Variants in PPARGC1A observed in about 807,000 individuals in gnomAD.
PPARGC1A encodes the protein peroxisome proliferator-activated receptor gamma coactivator 1-alpha.
Under a neutral mutation model 88.7 loss-of-function variants are expected in PPARGC1A, and 25 were observed. That is an observed-to-expected ratio of 0.28 (90% CI 0.21 to 0.39). The LOEUF is 0.39. PPARGC1A is among the 10% of genes least tolerant of loss of function. The probability of loss-of-function intolerance (pLI) is 1.00; values close to 1 mark genes in which losing one functional copy is unlikely to be tolerated. For missense variants in PPARGC1A, 880 were observed against 968.7 expected, an observed-to-expected ratio of 0.91 and a Z score of 1.22; for synonymous variants, 363 against 355.6, an observed-to-expected ratio of 1.02 and a Z score of -0.24.
chr4:24,358,210 GC>G, the PPARGC1A span, among the ~76,000 whole-genome samples: 1 of 152,180 alleles, frequency 6.6e-6, no homozygotes, highest in Non-Finnish European at 1.5e-5. Context: ...TGAAAGCCAG[GC>G]CCCTCTGACC....
At chr4:23,889,045 AC>A (rs1717385548) in intron 1 of PPARGC1A, 1 of 985,066 alleles carries the variant, frequency 1.0e-6, no homozygotes, top group Admixed American at 6.2e-5. Flanking sequence ...CCGTCCCCCC[AC>A]TAGACTCCAG....
At chr4:24,282,043 ATGTT>A in the PPARGC1A span, among the ~76,000 whole-genome samples, 1 of 151,716 alleles carries the variant, frequency 6.6e-6, no homozygotes, top group South Asian at 2.1e-4. Context: ...CTATTATAGG[ATGTT>A]TATTACATCA....
the PPARGC1A span, among the ~76,000 whole-genome samples, chr4:24,092,871 C>A: frequency 6.6e-6 from 1 of 152,334 alleles, no homozygotes; most frequent in South Asian, 2.1e-4. Flanking sequence ...TGGTTGCCAG[C>A]CTCGAAATGT....
intron 2 of PPARGC1A, among the ~76,000 whole-genome samples, chr4:23,862,787 T>C (rs1731456757): frequency 6.6e-6 from 1 of 152,174 alleles, no homozygotes; most frequent in Non-Finnish European, 1.5e-5. Flanking sequence ...AAATCTTTAC[T>C]ATGTGGGGCA....
intron 2 of PPARGC1A, among the ~76,000 whole-genome samples, chr4:23,876,374 A>C (rs986815299): frequency 1.3e-5 from 2 of 152,238 alleles, no homozygotes; most frequent in African/African-American, 4.8e-5. Flanking sequence ...TCAAGAATAA[A>C]AATGAAGTAT....
At chr4:23,838,195 AT>A (rs1036800499) in intron 2 of PPARGC1A, among the ~76,000 whole-genome samples, 1 of 151,878 alleles carries the variant, frequency 6.6e-6, no homozygotes. Context: ...CAAACAATTG[AT>A]TTTTTTTCCC....
chr4:24,069,396 G>A, the PPARGC1A span, among the ~76,000 whole-genome samples: 1 of 152,310 alleles, frequency 6.6e-6, no homozygotes, highest in African/African-American at 2.4e-5. Context: ...CCAAAGCTAG[G>A]TTAAATATGT....
the PPARGC1A span, among the ~76,000 whole-genome samples, chr4:24,029,687 G>A: frequency 6.6e-6 from 1 of 152,124 alleles, no homozygotes; most frequent in African/African-American, 2.4e-5. Context: ...GTAGAAGTGG[G>A]TGAGGAAAGG....
At chr4:24,121,911 G>A in the PPARGC1A span, among the ~76,000 whole-genome samples, 11 of 152,266 alleles carry the variant, frequency 7.2e-5, no homozygotes, top group Admixed American at 3.3e-4. Context: ...CCCTGAACTC[G>A]AGTTCCCTTT....
the PPARGC1A span, among the ~76,000 whole-genome samples, chr4:23,926,778 C>T: frequency 1.3e-5 from 2 of 152,204 alleles, no homozygotes; most frequent in Non-Finnish European, 2.9e-5. Context: ...CATGTTAAGT[C>T]CTTCTGCTCA....
At chr4:23,868,225 T>G (rs577637724) in intron 2 of PPARGC1A, among the ~76,000 whole-genome samples, 1 of 152,288 alleles carries the variant, frequency 6.6e-6, no homozygotes, top group Non-Finnish European at 1.5e-5. Flanking sequence ...CACAACCACA[T>G]GTCTCCCAAC....
At chr4:24,297,638 A>C in the PPARGC1A span, among the ~76,000 whole-genome samples, 1 of 152,182 alleles carries the variant, frequency 6.6e-6, no homozygotes, top group Non-Finnish European at 1.5e-5. Context: ...GAACCAAAAA[A>C]TAACACTTCA....
chr4:24,091,080 T>C, the PPARGC1A span, among the ~76,000 whole-genome samples: 1 of 152,216 alleles, frequency 6.6e-6, no homozygotes, highest in Non-Finnish European at 1.5e-5. Context: ...TAAGCTACCA[T>C]AACACCATAA....
At chr4:23,847,401 ACTCATACC>A (rs1728508130) in intron 2 of PPARGC1A, among the ~76,000 whole-genome samples, 1 of 151,984 alleles carries the variant, frequency 6.6e-6, no homozygotes, top group African/African-American at 2.4e-5. Context: ...CTCCATTACC[ACTCATACC>A]CTGTTTCAGT....
chr4:24,166,360 C>T, the PPARGC1A span, among the ~76,000 whole-genome samples: 2 of 152,220 alleles, frequency 1.3e-5, no homozygotes, highest in African/African-American at 4.8e-5. Flanking sequence ...TGCAGCAAGT[C>T]ACCCAGAGGA....
At chr4:24,193,596 C>T in the PPARGC1A span, among the ~76,000 whole-genome samples, 131,883 of 152,148 alleles carry the variant, frequency 0.87, 57,316 homozygotes, top group Middle Eastern at 0.93. Flanking sequence ...CCACTTTCCA[C>T]ACATAGGGAC....
chr4:23,890,217 TAAAA>T (rs35965035), upstream of PPARGC1A: 390 of 328,434 alleles, frequency 1.2e-3, no homozygotes, highest in Middle Eastern at 1.8e-3. Context: ...AGTAACGCTT[TAAAA>T]AAAAAAAAAA....
chr4:24,232,602 T>G, the PPARGC1A span, among the ~76,000 whole-genome samples: 2 of 152,316 alleles, frequency 1.3e-5, no homozygotes, highest in Admixed American at 1.3e-4. Flanking sequence ...GCTGCCCACA[T>G]AGTAATACAG....
chr4:23,855,544 C>CA (rs1029504682), intron 2 of PPARGC1A, among the ~76,000 whole-genome samples: 2 of 152,110 alleles, frequency 1.3e-5, no homozygotes, highest in African/African-American at 4.8e-5. Context: ...TAATGTACTC[C>CA]AAAAAATAAT....
Sources: allele counts gnomAD v4.1 joint callset (sites outside exome capture counted in the v4.1 genomes callset), GRCh38; gene constraint gnomAD v4.1.1; transcripts MANE v1.5; gene names NCBI Gene and HGNC (gene_info 2026-07-23, HGNC 2026-07-21).